The following ABCB11 variants were observed in gnomAD, a reference collection of about 807,000 sequenced individuals.
ABCB11 encodes ATP binding cassette subfamily B member 11.
A neutral mutation model predicts 148.0 loss-of-function variants in ABCB11; 95 were observed. The ratio of observed to expected loss-of-function variants is 0.64; its 90% CI spans 0.54 to 0.76. The LOEUF is 0.76. ABCB11 is among the 30% of genes least tolerant of loss of function. The probability of loss-of-function intolerance (pLI) is 0.00; values close to 1 mark genes in which losing one functional copy is unlikely to be tolerated. For synonymous variants in ABCB11, 591 were observed against 555.4 expected (o/e 1.06, Z -0.90); for missense variants, 1,523 against 1,617.8 (o/e 0.94, Z 1.01).
intron 21 of ABCB11, among the ~76,000 whole-genome samples, chr2:168,944,029 C>G (rs533464356): frequency 9.2e-5 from 14 of 152,124 alleles, no homozygotes; most frequent in Admixed American, 2.6e-4. Context: ...CTAGCCTCAT[C>G]ATATGTGTAA....
chr2:168,951,493 G>A (rs1341203595), intron 19 of ABCB11, among the ~76,000 whole-genome samples: 2 of 151,292 alleles, frequency 1.3e-5, no homozygotes, highest in Non-Finnish European at 3.0e-5. Context: ...ATATTCCTAA[G>A]TATTTTTTTT....
intron 21 of ABCB11, among the ~76,000 whole-genome samples, chr2:168,943,929 T>C (rs1692185169): frequency 6.6e-6 from 1 of 151,978 alleles, no homozygotes; most frequent in Admixed American, 6.6e-5. Context: ...TTAGGGTTTT[T>C]TAAAAAATTT....
At chr2:168,977,009 A>G (rs528506016) in intron 11 of ABCB11, among the ~76,000 whole-genome samples, 209 of 149,002 alleles carry the variant, frequency 1.4e-3, no homozygotes, top group African/African-American at 4.5e-3. Flanking sequence ...GATATTATAT[A>G]TTAACATAAT....
intron 5 of ABCB11, among the ~76,000 whole-genome samples, chr2:169,006,855 G>A (rs1192975467): frequency 6.6e-6 from 1 of 152,146 alleles, no homozygotes; most frequent in Non-Finnish European, 1.5e-5. Context: ...ACAAAAAATT[G>A]CAAAATATTC....
rs951486880 is a variant in ABCB11 at position 169,014,334 on chromosome 2, C to T, written c.119G>A (p.Gly40Asp). 5.5e-5 allele frequency: 88 copies of T among 1,613,256 alleles called. No individual in the cohort carries two copies. Among genetic ancestry groups the T allele is most frequent in the Non-Finnish European group, 7.1e-5 (84 of 1,179,538 alleles). The change falls in exon 4 of 28, where the codon GGT (glycine) becomes GAT (aspartate). Residue 40 changes from glycine to aspartate, a missense_variant. Transcript: ENST00000650372. ...KKSRLQDEKK[G>D]DGVRVGFFQL... ...AAAGAAGCCAACTCTAACGCCATCA[C>T]CTTTCTTCTCATCTTGTAACCTGAT... is the stretch of plus-strand genomic sequence containing the variant.
At position 169,009,967 on chromosome 2, in the gene ABCB11, G is replaced by A. The variant is rs189598075; in HGVS notation, c.389+3305C>T. Among the ~76,000 whole-genome samples, 72 of 152,218 alleles carry A rather than the reference G, an allele frequency of 4.7e-4. 1 individual carries two copies. Among genetic ancestry groups the A allele is most frequent in the Non-Finnish European group, 8.7e-4 (59 of 68,024 alleles). On this transcript the variant is annotated intron_variant, in intron 5 of 27. Coordinates refer to ENST00000650372, the MANE Select transcript of ABCB11 (RefSeq NM_003742.4). ...GCTAAGAACATAGACTGAAATCCAA[G>A]TGAAAGGACAGGCCTAGATTTCTGC...
intron 17 of ABCB11, among the ~76,000 whole-genome samples, chr2:168,967,383 C>A (rs1189584537): frequency 6.6e-6 from 1 of 151,800 alleles, no homozygotes; most frequent in African/African-American, 2.4e-5. Context: ...TCTGAAAATT[C>A]AAACTGATAA....
intron 17 of ABCB11, among the ~76,000 whole-genome samples, chr2:168,967,639 A>G (rs1359797001): frequency 6.6e-6 from 1 of 151,906 alleles, no homozygotes; most frequent in Non-Finnish European, 1.5e-5. Context: ...GGAAATGGCA[A>G]TCATAGAGAT....
chr2:168,982,196 C>T (rs1442584278), intron 10 of ABCB11, among the ~76,000 whole-genome samples: 1 of 151,952 alleles, frequency 6.6e-6, no homozygotes, highest in Non-Finnish European at 1.5e-5. Flanking sequence ...GGTCCATGGC[C>T]CCTGGGAAGA....
intron 19 of ABCB11, among the ~76,000 whole-genome samples, chr2:168,957,048 G>A (rs1242877662): frequency 2.0e-5 from 3 of 151,504 alleles, no homozygotes; most frequent in East Asian, 3.9e-4. Context: ...TGTTCCAAAT[G>A]TAAGTATCTA....
intron 10 of ABCB11, among the ~76,000 whole-genome samples, chr2:168,983,286 G>A (rs1329595632): frequency 2.6e-5 from 4 of 152,096 alleles, no homozygotes; most frequent in Non-Finnish European, 5.9e-5. Flanking sequence ...TAAGCAGCTA[G>A]GACTAAAGCC....
rs1392116569 is a variant in ABCB11 at position 168,935,394 on chromosome 2, G to A, written c.2846C>T (p.Thr949Ile). Residue 949 changes from threonine (T) to isoleucine (I), a missense_variant, in exon 23 of 28, where the codon ACT (threonine) becomes ATT (isoleucine). Coordinates refer to ENST00000650372, the MANE Select transcript of ABCB11 (RefSeq NM_003742.4). Reference protein sequence around the residue: ...ITNEALSNIRTVAGIGKERRF... With the variant: ...ITNEALSNIRIVAGIGKERRF... ...CCTCTCCTTTCCAATTCCAGCAACA[G>A]TGCGGATGTTACTGAGGGCTTCATT... 1.9e-6 allele frequency: 3 copies of A among 1,613,782 alleles called. No homozygotes were observed. The African/African-American group carries it at 4.0e-5, about 22-fold the overall frequency.
At chr2:169,014,739 C>A (rs958706144) in intron 3 of ABCB11, among the ~76,000 whole-genome samples, 1 of 152,132 alleles carries the variant, frequency 6.6e-6, no homozygotes, top group Admixed American at 6.5e-5. Context: ...AATTTTAAAG[C>A]TTCCTCATGC....
intron 18 of ABCB11, among the ~76,000 whole-genome samples, chr2:168,959,957 A>AC (rs1692989952): frequency 7.0e-6 from 1 of 142,786 alleles, no homozygotes; most frequent in Non-Finnish European, 1.6e-5. Context: ...AAAAAAAAAA[A>AC]AACCCGAATA....
At chr2:169,009,376 C>T (rs1695112856) in intron 5 of ABCB11, among the ~76,000 whole-genome samples, 1 of 151,904 alleles carries the variant, frequency 6.6e-6, no homozygotes, top group African/African-American at 2.4e-5. Flanking sequence ...GGCACATATA[C>T]ACCATGGAAT....
chr2:168,968,463 C>G lies in ABCB11; in HGVS notation c.2039G>C (p.Arg680Thr). The part of the protein sequence containing the change: ...KDATEDDMLA[R>T]TFSRGSYQDS... The stretch of plus-strand genomic sequence containing the variant: ...CTGGTAGCTCCCTCTGCTAAAGGTC[C>G]TCGCAAGCATGTCATCTTCAGTTGC... Residue 680 changes from arginine (R) to threonine (T), a missense_variant, in exon 17 of 28, where the codon AGG becomes ACG. By Grantham distance (71) the Arg-to-Thr change is moderately conservative. Coordinates refer to ENST00000650372, the MANE Select transcript of ABCB11 (RefSeq NM_003742.4). The G allele has an allele frequency of 6.2e-7, 1 of 1,611,100 alleles. No homozygotes were observed. Among genetic ancestry groups the G allele is most frequent in the Non-Finnish European group, 8.5e-7 (1 of 1,178,396 alleles).
intron 8 of ABCB11, among the ~76,000 whole-genome samples, chr2:168,993,197 C>T (rs1342768938): frequency 6.6e-6 from 1 of 151,946 alleles, no homozygotes; most frequent in Non-Finnish European, 1.5e-5. Flanking sequence ...TTCTTGTGTG[C>T]TTGTTAATGC....
chr2:168,956,315 TG>T, intron 19 of ABCB11, among the ~76,000 whole-genome samples: 1 of 151,804 alleles, frequency 6.6e-6, no homozygotes, highest in Admixed American at 6.6e-5. Context: ...GAGATTTGGG[TG>T]GGGACACAAA....
chr2:168,960,828 AT>A, intron 18 of ABCB11, among the ~76,000 whole-genome samples: 1 of 151,740 alleles, frequency 6.6e-6, no homozygotes, highest in East Asian at 1.9e-4. Context: ...GTAAAGAAAT[AT>A]TTTTCTCTCT....
Sources: allele counts gnomAD v4.1 joint callset (sites outside exome capture counted in the v4.1 genomes callset), GRCh38; gene constraint gnomAD v4.1.1; transcripts MANE v1.5; gene names NCBI Gene and HGNC (gene_info 2026-07-23, HGNC 2026-07-21).